Variants in GRIN3A observed in about 807,000 individuals in gnomAD.
GRIN3A encodes the protein glutamate ionotropic receptor NMDA type subunit 3A.
A neutral mutation model predicts 92.4 loss-of-function variants in GRIN3A; 47 were observed. The observed-to-expected ratio is 0.51, with a 90% CI of 0.40 to 0.65. The LOEUF is 0.65. Among genes scored for constraint, GRIN3A ranks in the 30% least tolerant of loss-of-function variants. GRIN3A has a pLI of 0.00. For missense variants in GRIN3A, 1,324 were observed against 1,393.1 expected (o/e 0.95, Z 0.79); for synonymous variants, 527 against 540.6 (o/e 0.97, Z 0.35).
intron 1 of GRIN3A, among the ~76,000 whole-genome samples, chr9:101,727,252 A>G (rs1225901741): frequency 6.6e-6 from 1 of 152,254 alleles, no homozygotes; most frequent in East Asian, 1.9e-4. Flanking sequence ...TTGCGATATG[A>G]GAAGCGGTTT....
Position 101,587,459 on chromosome 9 carries a change from C to T in GRIN3A, c.2767-8099G>A, listed in dbSNP as rs76267000. 6.1e-4 allele frequency among the ~76,000 whole-genome samples: 93 copies of T among 152,166 alleles called. 1 individual carries two copies. In the East Asian group the frequency reaches 0.012, roughly 20 times the overall value. ...TCCTGACGCAGATCTCAGAAATGAA[C>T]GGGTGGAGCCTGTTTTAGGAAGTCT... On this transcript the variant is annotated intron_variant, in intron 6 of 8. Coordinates refer to ENST00000361820, the MANE Select transcript of GRIN3A (RefSeq NM_133445.3).
At chr9:101,661,128 G>A (rs1263655666) in intron 3 of GRIN3A, among the ~76,000 whole-genome samples, 5 of 151,826 alleles carry the variant, frequency 3.3e-5, no homozygotes, top group African/African-American at 4.8e-5. Context: ...AAAAATTTTT[G>A]TGTGGGAGTG....
At chr9:101,671,623 A>G (rs1404880175) in intron 2 of GRIN3A, among the ~76,000 whole-genome samples, 2 of 152,318 alleles carry the variant, frequency 1.3e-5, no homozygotes, top group East Asian at 3.9e-4. Flanking sequence ...CACTGCATTC[A>G]TAACATTAGA....
intron 6 of GRIN3A, among the ~76,000 whole-genome samples, chr9:101,597,857 G>T (rs948251593): frequency 4.6e-5 from 7 of 152,088 alleles, no homozygotes; most frequent in African/African-American, 1.7e-4. Flanking sequence ...GTCATTCTGG[G>T]TTTGCAATAT....
chr9:101,668,695 C>A (rs1829273694), intron 3 of GRIN3A, among the ~76,000 whole-genome samples: 1 of 152,116 alleles, frequency 6.6e-6, no homozygotes, highest in Non-Finnish European at 1.5e-5. Flanking sequence ...GTCAATGAGG[C>A]ATTGTTGGCT....
chr9:101,695,299 G>A (rs141396387), intron 1 of GRIN3A, among the ~76,000 whole-genome samples: 1,721 of 152,262 alleles, frequency 0.011, 17 homozygotes, highest in Non-Finnish European at 0.017. Flanking sequence ...TGAGACTACA[G>A]TAGTGAAAAT....
chr9:101,596,407 A>T (rs531921437), intron 6 of GRIN3A, among the ~76,000 whole-genome samples: 7 of 152,360 alleles, frequency 4.6e-5, no homozygotes, highest in Admixed American at 4.6e-4. Flanking sequence ...AGCATGGTAC[A>T]GTTTGCATAT....
chr9:101,634,129 C>T (rs1227189155), intron 3 of GRIN3A, among the ~76,000 whole-genome samples: 13 of 151,764 alleles, frequency 8.6e-5, no homozygotes, highest in African/African-American at 3.1e-4. Context: ...GTCAGGAGAT[C>T]GAGACCATCC....
At position 101,738,294 on chromosome 9, in the gene GRIN3A, A is replaced by C. The variant is rs548546709; in HGVS notation, c.-315T>G. On this transcript the variant is annotated 5_prime_UTR_variant, in exon 1 of 9. Transcript: ENST00000361820. ...CCCGTTCCCTGCCCGCCCCATCTGC[A>C]GGGCGCCTCGGGCACTGCGTCCGGC... The C allele has an allele frequency of 9.9e-6, 4 of 405,528 alleles. No individual in the cohort carries two copies. The highest frequency in any genetic ancestry group is 8.6e-5 in the African/African-American group (4 of 46,284). 25.1% of individuals were successfully genotyped at this position (405,528 alleles called of 1,614,324 possible).
At chr9:101,640,142 A>G (rs934132567) in intron 3 of GRIN3A, among the ~76,000 whole-genome samples, 2 of 152,212 alleles carry the variant, frequency 1.3e-5, no homozygotes, top group Non-Finnish European at 1.5e-5. Flanking sequence ...TATACCATAT[A>G]TACTATATAG....
chr9:101,594,045 C>T (rs1828072491), intron 6 of GRIN3A: 1 of 191,296 alleles, frequency 5.2e-6, no homozygotes, highest in Admixed American at 5.4e-5. Flanking sequence ...TTATAAATTT[C>T]CTCCCATATA....
chr9:101,610,820 C>G (rs923298111), intron 6 of GRIN3A, among the ~76,000 whole-genome samples: 31 of 152,026 alleles, frequency 2.0e-4, no homozygotes, highest in African/African-American at 7.2e-4. Context: ...GAAATTTAGC[C>G]AGGCGCGGTG....
chr9:101,680,172 T>G (rs1362503922), intron 2 of GRIN3A, among the ~76,000 whole-genome samples: 1 of 152,334 alleles, frequency 6.6e-6, no homozygotes, highest in African/African-American at 2.4e-5. Flanking sequence ...AACTTTAACA[T>G]GGTCACAATG....
At chr9:101,734,314 A>C (rs1830174819) in intron 1 of GRIN3A, among the ~76,000 whole-genome samples, 1 of 152,206 alleles carries the variant, frequency 6.6e-6, no homozygotes, top group Non-Finnish European at 1.5e-5. Flanking sequence ...ATTTAGAACA[A>C]AGAAGTAATC....
At chr9:101,680,535 T>C (rs536129513) in intron 2 of GRIN3A, among the ~76,000 whole-genome samples, 35 of 152,058 alleles carry the variant, frequency 2.3e-4, no homozygotes, top group Non-Finnish European at 4.0e-4. Context: ...TAATTCAGGG[T>C]CAACTGAGGA....
intron 1 of GRIN3A, among the ~76,000 whole-genome samples, chr9:101,690,249 G>A (rs1829597758): frequency 6.6e-6 from 1 of 151,828 alleles, no homozygotes; most frequent in South Asian, 2.1e-4. Flanking sequence ...TTTTCATATT[G>A]TATACACAAA....
intron 4 of GRIN3A, among the ~76,000 whole-genome samples, chr9:101,627,190 G>A (rs1437246150): frequency 1.3e-5 from 2 of 152,214 alleles, no homozygotes; most frequent in Non-Finnish European, 2.9e-5. Context: ...CTTCATGTCA[G>A]AGAGAGACTG....
intron 6 of GRIN3A, chr9:101,594,360 G>A: frequency 6.5e-7 from 1 of 1,538,378 alleles, no homozygotes; most frequent in Non-Finnish European, 8.7e-7. Flanking sequence ...TCTTGAAAGA[G>A]ATAGGGAAGA....
At chr9:101,601,778 A>C (rs1049615015) in intron 6 of GRIN3A, among the ~76,000 whole-genome samples, 3 of 152,128 alleles carry the variant, frequency 2.0e-5, no homozygotes, top group African/African-American at 4.8e-5. Flanking sequence ...TCTTTGTGTG[A>C]TAGATGGCTT....
Sources: gnomAD v4.1 joint callset for allele counts (sites outside exome capture counted in the v4.1 genomes callset) on GRCh38, gnomAD v4.1.1 for gene constraint, MANE v1.5 for transcripts, NCBI Gene and HGNC (gene_info 2026-07-23, HGNC 2026-07-21) for gene names.